The following CEP57 variants were observed in gnomAD, a reference collection of about 807,000 sequenced individuals.
CEP57 encodes centrosomal protein of 57 kDa.
CEP57 carries 40 observed loss-of-function variants against 68.0 expected under a neutral mutation model. That is an observed-to-expected ratio of 0.59 (90% CI 0.46 to 0.77). The LOEUF (loss-of-function observed/expected upper bound fraction) is 0.77, where lower values mean the gene tolerates loss of function less well. Ranked by LOEUF, CEP57 falls within the 30% of genes least tolerant of loss-of-function variation. CEP57 has a pLI of 0.00. For missense variants in CEP57, 606 were observed against 580.7 expected, an observed-to-expected ratio of 1.04 and a Z score of -0.45; for synonymous variants, 219 against 198.7, an observed-to-expected ratio of 1.10 and a Z score of -0.86.
chr11:95,829,068 T>A, intron 9 of CEP57, 119 bp from the exon 10 acceptor site: 1 of 1,067,780 alleles, frequency 9.4e-7, no homozygotes, highest in Non-Finnish European at 1.4e-6. Flanking sequence ...TTTATTGCTC[T>A]GTTCAAAAAA....
intron 1 of CEP57, among the ~76,000 whole-genome samples, 162 bp from the exon 2 acceptor site, chr11:95,799,070 T>A (rs952635934): frequency 6.6e-6 from 1 of 152,248 alleles, no homozygotes; most frequent in Non-Finnish European, 1.5e-5. Context: ...TGAAACACTT[T>A]AAAAGTTGTA....
Position 95,794,980 on chromosome 11 carries a change from G to T in CEP57, c.45+4237G>T, listed in dbSNP as rs61903282. On this transcript the variant is annotated intron_variant, in intron 1 of 10. Transcript: ENST00000325542. ...TGTTCATTTCCATATGTGTATGGGT[G>T]TGTTACCTGGCTCTTTGTCCCTTTG... Among the ~76,000 whole-genome samples the T allele has an allele frequency of 2.2e-3, 333 of 152,286 alleles. 1 individual carries two copies. The highest frequency in any genetic ancestry group is 3.4e-3 in the Non-Finnish European group (228 of 68,004).
upstream of CEP57, chr11:95,790,325 C>T: frequency 2.8e-6 from 1 of 361,238 alleles, no homozygotes; most frequent in Non-Finnish European, 5.2e-6. Flanking sequence ...GAGGCCCGAC[C>T]CTCCGTAGAA....
chr11:95,815,122 T>C (rs1300412509), intron 4 of CEP57: 2 of 152,214 alleles, frequency 1.3e-5, no homozygotes, highest in African/African-American at 4.8e-5. Flanking sequence ...CCACAGTTGA[T>C]CAAATCCATG....
At chr11:95,823,424 G>GA (rs1369562700) in intron 8 of CEP57, among the ~76,000 whole-genome samples, 4 of 151,706 alleles carry the variant, frequency 2.6e-5, no homozygotes, top group African/African-American at 9.7e-5. Flanking sequence ...TTGGCAATTT[G>GA]AAAAAACTTG....
chr11:95,807,245 C>T (rs906404186), intron 2 of CEP57, among the ~76,000 whole-genome samples: 2 of 152,114 alleles, frequency 1.3e-5, no homozygotes, highest in African/African-American at 2.4e-5. Context: ...GTAGATAAAA[C>T]GACAAAGATG....
chr11:95,806,414 A>G (rs967659283), intron 2 of CEP57, among the ~76,000 whole-genome samples: 8 of 152,212 alleles, frequency 5.3e-5, no homozygotes, highest in Admixed American at 2.0e-4. Flanking sequence ...GAGCCGAAGC[A>G]GGGCAGGGTG....
intron 2 of CEP57, among the ~76,000 whole-genome samples, chr11:95,810,872 AAAAC>A (rs1222718865): frequency 1.3e-5 from 2 of 152,212 alleles, no homozygotes; most frequent in African/African-American, 4.8e-5. Context: ...AGCACCAAAA[AAAAC>A]AGCCCACATT....
At chr11:95,799,605 T>C (rs1203480417) in intron 2 of CEP57, among the ~76,000 whole-genome samples, 1 of 152,184 alleles carries the variant, frequency 6.6e-6, no homozygotes, top group Non-Finnish European at 1.5e-5. Flanking sequence ...CTTTGAGTCA[T>C]CAGTGACTGC....
intron 9 of CEP57, 24 bp from the exon 10 acceptor site, chr11:95,829,163 G>T (rs534488): frequency 6.2e-7 from 1 of 1,610,436 alleles, no homozygotes; most frequent in African/African-American, 1.3e-5. Flanking sequence ...ACTTAACCAT[G>T]TTCTACTTCT....
intron 2 of CEP57, among the ~76,000 whole-genome samples, chr11:95,809,607 G>T (rs1861961220): frequency 6.6e-6 from 1 of 152,150 alleles, no homozygotes; most frequent in Non-Finnish European, 1.5e-5. Flanking sequence ...TAGAAGAAAT[G>T]GGTAAATTAC....
intron 1 of CEP57, 37 bp from the exon 2 acceptor site, chr11:95,799,195 A>G (rs1015676432): frequency 1.2e-6 from 2 of 1,610,958 alleles, no homozygotes; most frequent in African/African-American, 2.7e-5. Flanking sequence ...TTTGTGGTTC[A>G]CACTTTTGAA....
At chr11:95,790,018 G>A (rs911014279), upstream of CEP57, 2 of 157,306 alleles carry the variant, frequency 1.3e-5, no homozygotes, top group African/African-American at 4.8e-5. Context: ...TTGGCTGAGA[G>A]CGCCCCAATC....
chr11:95,827,666 T>C, intron 8 of CEP57, 120 bp from the exon 9 acceptor site: 1 of 1,098,400 alleles, frequency 9.1e-7, no homozygotes, highest in South Asian at 1.4e-5. Context: ...GAGAATAATT[T>C]TAGGATTTAT....
At chr11:95,805,219 C>T (rs1417859062) in intron 2 of CEP57, among the ~76,000 whole-genome samples, 1 of 152,108 alleles carries the variant, frequency 6.6e-6, no homozygotes, top group East Asian at 1.9e-4. Context: ...GTTAAGAAAA[C>T]TCAATGGATA....
At chr11:95,794,399 T>C (rs962552599) in intron 1 of CEP57, 1 of 446,954 alleles carries the variant, frequency 2.2e-6, no homozygotes, top group African/African-American at 2.0e-5. Context: ...TACTAAATTG[T>C]TTTACCAAGT....
chr11:95,793,229 T>C (rs1203729589), intron 1 of CEP57, among the ~76,000 whole-genome samples: 1 of 152,218 alleles, frequency 6.6e-6, no homozygotes, highest in African/African-American at 2.4e-5. Flanking sequence ...CTGGAATTGA[T>C]AAACTTCGAC....
rs185401267 is a variant in CEP57, at chr11:95,811,154, G to T, written c.203-1778G>T. On this transcript the variant is annotated intron_variant, in intron 2 of 10. Coordinates refer to ENST00000325542, the MANE Select transcript of CEP57 (RefSeq NM_014679.5). ...TACACATGTATGTTTATTGCGGCACGGTTCACAATAGCAAAGACTTGGAAC... is the reference window on the plus strand; with the variant it reads ...TACACATGTATGTTTATTGCGGCACTGTTCACAATAGCAAAGACTTGGAAC... Among the ~76,000 whole-genome samples the T allele has an allele frequency of 6.8e-3, 1,039 of 152,170 alleles. 16 individuals are homozygous for T. The highest frequency in any genetic ancestry group is 0.023 in the African/African-American group (974 of 41,504).
chr11:95,812,589 C>A (rs1565321741), intron 2 of CEP57, among the ~76,000 whole-genome samples: 3 of 151,792 alleles, frequency 2.0e-5, no homozygotes, highest in African/African-American at 7.3e-5. Flanking sequence ...ATTACAGGCG[C>A]CCGCCACTAT....
Sources: gnomAD v4.1 joint callset for allele counts (sites outside exome capture counted in the v4.1 genomes callset) on GRCh38, gnomAD v4.1.1 for gene constraint, MANE v1.5 for transcripts, NCBI Gene and HGNC (gene_info 2026-07-23, HGNC 2026-07-21) for gene names.